The following ASB5 variants were observed in gnomAD, a reference collection of about 807,000 sequenced individuals.
ASB5 encodes ankyrin repeat and SOCS box protein 5.
Under a neutral mutation model 42.1 loss-of-function variants are expected in ASB5, and 45 were observed. The observed-to-expected ratio is 1.07, with a 90% confidence interval of 0.84 to 1.37. The LOEUF (loss-of-function observed/expected upper bound fraction) is 1.37, where lower values mean the gene tolerates loss of function less well. Among genes scored for constraint, ASB5 ranks in the 40% most tolerant of loss-of-function variants. ASB5 has a pLI of 0.00. For synonymous variants in ASB5, 147 were observed against 150.6 expected (o/e 0.98, Z 0.18); for missense variants, 402 against 399.8 (o/e 1.01, Z -0.05).
rs751022632 is a variant in ASB5, at chr4:176,215,733, A to G, written c.863-6T>C. The G allele has an allele frequency of 3.1e-6, 5 of 1,606,606 alleles. No individual in the cohort carries two copies. The highest frequency in any genetic ancestry group is 1.1e-5 in the South Asian group (1 of 89,668). On this transcript the variant is annotated splice_polypyrimidine_tract_variant and splice_region_variant and intron_variant, in intron 6 of 6. Coordinates refer to ENST00000296525, the MANE Select transcript of ASB5 (RefSeq NM_080874.4). The stretch of plus-strand genomic sequence containing the variant: ...GTAAAGAGAGCTTGGGGTAGCTACA[A>G]GAAGACATGAATCTATTTGTTAATT...
intron 1 of ASB5, among the ~76,000 whole-genome samples, chr4:176,233,429 T>A (rs1258605331): frequency 6.6e-6 from 1 of 151,020 alleles, no homozygotes; most frequent in Non-Finnish European, 1.5e-5. Context: ...GATATTTTCC[T>A]GGCATCTCAA....
chr4:176,229,757 A>T (rs986639154), intron 1 of ASB5, among the ~76,000 whole-genome samples: 1 of 152,118 alleles, frequency 6.6e-6, no homozygotes, highest in African/African-American at 2.4e-5. Flanking sequence ...GGCATGAAAA[A>T]GTTTAATGTC....
intron 1 of ASB5, chr4:176,237,368 G>T: frequency 1.0e-6 from 1 of 985,790 alleles, no homozygotes; most frequent in Non-Finnish European, 1.2e-6. Context: ...CCTTCTTTTC[G>T]TGAGGACCTG....
intron 1 of ASB5, among the ~76,000 whole-genome samples, chr4:176,237,068 A>T (rs116078995): frequency 2.6e-4 from 40 of 152,344 alleles, no homozygotes; most frequent in Non-Finnish European, 5.0e-4. Flanking sequence ...ACCAGAGTCT[A>T]AGAGTTTGCA....
chr4:176,238,138 A>C (rs1242589655), intron 1 of ASB5, among the ~76,000 whole-genome samples: 1 of 146,366 alleles, frequency 6.8e-6, no homozygotes, highest in African/African-American at 2.5e-5. Context: ...CGGGAGAATC[A>C]CTTGAACCCG....
chr4:176,252,407 T>G (rs1360773824), intron 1 of ASB5, among the ~76,000 whole-genome samples: 3 of 152,230 alleles, frequency 2.0e-5, no homozygotes, highest in Non-Finnish European at 2.9e-5. Context: ...ACAAATTCCA[T>G]TCACTTAAGT....
At chr4:176,242,411 A>G (rs1753828742) in intron 1 of ASB5, among the ~76,000 whole-genome samples, 1 of 152,216 alleles carries the variant, frequency 6.6e-6, no homozygotes, top group Admixed American at 6.5e-5. Context: ...AATTTTAAAA[A>G]CTACTTATAC....
chr4:176,247,481 G>T (rs1372970968), intron 1 of ASB5, among the ~76,000 whole-genome samples: 1 of 152,170 alleles, frequency 6.6e-6, no homozygotes, highest in Non-Finnish European at 1.5e-5. Flanking sequence ...TATAGGTCCA[G>T]AGCAATGTAA....
At chr4:176,255,758 T>G (rs2126972902) in intron 1 of ASB5, among the ~76,000 whole-genome samples, 1 of 152,252 alleles carries the variant, frequency 6.6e-6, no homozygotes, top group Middle Eastern at 3.4e-3. Context: ...CTACTGGGTA[T>G]TATGCTCAGT....
intron 1 of ASB5, among the ~76,000 whole-genome samples, chr4:176,228,990 T>C (rs1165302320): frequency 2.0e-5 from 3 of 152,210 alleles, no homozygotes; most frequent in Non-Finnish European, 2.9e-5. Context: ...ATTATAATAC[T>C]AACTTTGCAA....
intron 1 of ASB5, among the ~76,000 whole-genome samples, chr4:176,230,500 T>A (rs1753508877): frequency 6.6e-6 from 1 of 152,216 alleles, no homozygotes; most frequent in East Asian, 1.9e-4. Context: ...TCTTTTTATT[T>A]GTTTTGAACT....
At chr4:176,251,673 A>G (rs1172681160) in intron 1 of ASB5, among the ~76,000 whole-genome samples, 1 of 150,580 alleles carries the variant, frequency 6.6e-6, no homozygotes, top group Non-Finnish European at 1.5e-5. Flanking sequence ...CAAAAGGTGA[A>G]CAAGCAGTGT....
intron 1 of ASB5, among the ~76,000 whole-genome samples, chr4:176,242,318 G>T (rs1753827597): frequency 6.6e-6 from 1 of 152,082 alleles, no homozygotes; most frequent in Admixed American, 6.5e-5. Context: ...TATTATTGTG[G>T]TTCACATACT....
chr4:176,222,322 T>C lies in ASB5; in HGVS notation c.375A>G (p.Ala125=), dbSNP rs1030948656. The part of the protein sequence containing the change: ...HVACARTLLE[A]GANVNAITID... ...TTTGAAAGGTACTTACATTAGCTCC[T>C]GCTTCCAGCAGAGTTCTGGCACATG... Residue 125 remains alanine (A), a synonymous_variant, in exon 3 of 7, where the codon GCA becomes GCG. Transcript: ENST00000296525. The C allele has an allele frequency of 3.1e-6, 5 of 1,611,358 alleles. No homozygotes were observed. In the Admixed American group the frequency reaches 8.3e-5, roughly 27 times the overall value.
chr4:176,218,711 GTATGATATATA>G, intron 5 of ASB5, among the ~76,000 whole-genome samples: 1 of 22,968 alleles, frequency 4.4e-5, no homozygotes, highest in South Asian at 7.7e-4. Context: ...ATATATATTT[GTATGATATATA>G]CATTTGTATG....
At chr4:176,244,035 A>G (rs1232812394) in intron 1 of ASB5, among the ~76,000 whole-genome samples, 2 of 152,056 alleles carry the variant, frequency 1.3e-5, no homozygotes, top group Non-Finnish European at 2.9e-5. Context: ...TTAATCACCG[A>G]TGTATTTGGA....
chr4:176,256,339 A>C (rs1205726808), intron 1 of ASB5, among the ~76,000 whole-genome samples: 1 of 152,216 alleles, frequency 6.6e-6, no homozygotes, highest in Admixed American at 6.5e-5. Context: ...GCAAAGAAAG[A>C]ATACAAAAAT....
At chr4:176,222,693 C>G (rs1029780795) in intron 2 of ASB5, among the ~76,000 whole-genome samples, 4 of 152,096 alleles carry the variant, frequency 2.6e-5, no homozygotes, top group African/African-American at 9.7e-5. Flanking sequence ...TTAAATGTTG[C>G]TTTCTTAATA....
intron 1 of ASB5, among the ~76,000 whole-genome samples, chr4:176,246,185 A>C (rs1753909187): frequency 6.6e-6 from 1 of 152,138 alleles, no homozygotes; most frequent in African/African-American, 2.4e-5. Flanking sequence ...AGTGGGGGAA[A>C]ATGTTTTACT....
Sources: allele counts gnomAD v4.1 joint callset (sites outside exome capture counted in the v4.1 genomes callset), GRCh38; gene constraint gnomAD v4.1.1; transcripts MANE v1.5; gene names NCBI Gene and HGNC (gene_info 2026-07-23, HGNC 2026-07-21).